CRYBG1: variants seen among roughly 807,000 people sequenced by gnomAD.
CRYBG1 encodes the protein crystallin beta-gamma domain containing 1, also known as beta/gamma crystallin domain-containing protein 1.
In CRYBG1, 139 loss-of-function variants were observed where a neutral mutation model predicts 189.2. The observed-to-expected ratio is 0.73, with a 90% confidence interval of 0.64 to 0.85. The LOEUF (loss-of-function observed/expected upper bound fraction) is 0.85. Among genes scored for constraint, CRYBG1 ranks in the 40% least tolerant of loss-of-function variants. The probability of loss-of-function intolerance (pLI) is 0.00; values close to 1 mark genes in which losing one functional copy is unlikely to be tolerated. For missense variants in CRYBG1, 2,611 were observed against 2,675.8 expected (o/e 0.98, Z 0.53); for synonymous variants, 1,023 against 1,017.1 (o/e 1.01, Z -0.11).
rs201406010 is a variant in CRYBG1 at position 106,512,903 on chromosome 6, A to G, written c.1786A>G (p.Asn596Asp). ...GAGGGGCCCGCTCCCCAACCACTTC[A>G]ACGGCCGGGCAGAGGGAGGTCGAAG... ...HKRGPLPNHF[N>D]GRAEGGRSRE... Residue 596 changes from asparagine (N) to aspartate (D), a missense_variant, in exon 3 of 22, where the codon AAC becomes GAC. Asn to Asp is a conservative substitution (Grantham distance 23). Transcript: ENST00000633556. The G allele has an allele frequency of 1.2e-6, 2 of 1,604,034 alleles. No individual in the cohort carries two copies. The highest frequency in any genetic ancestry group is 4.5e-5 in the East Asian group (2 of 44,478).
intron 1 of CRYBG1, among the ~76,000 whole-genome samples, chr6:106,423,772 C>A (rs564094991): frequency 7.7e-6 from 1 of 129,252 alleles, no homozygotes; most frequent in East Asian, 2.5e-4. Flanking sequence ...ATGGTGTGAT[C>A]ACGGCTCACT....
Position 106,429,485 on chromosome 6 carries a change from C to A in CRYBG1, c.174-22209C>A, listed in dbSNP as rs942428312. On this transcript the variant is annotated intron_variant, in intron 1 of 21. Transcript: ENST00000633556. The stretch of plus-strand genomic sequence containing the variant: ...TTAAATGCAAAAGGATGCCAAATTG[C>A]ATACAAAATACTTTAAGTCACTTAC... Among the ~76,000 whole-genome samples the A allele has an allele frequency of 3.3e-5, 5 of 152,166 alleles. No homozygotes were observed. The East Asian group carries it at 7.7e-4, about 23-fold the overall frequency.
intron 2 of CRYBG1, among the ~76,000 whole-genome samples, chr6:106,452,553 G>A (rs1415493047): frequency 6.6e-6 from 1 of 151,930 alleles, no homozygotes; most frequent in African/African-American, 2.4e-5. Flanking sequence ...GGGCTTTAAT[G>A]CAAAGGCATA....
chr6:106,536,598 C>A (rs759347337), intron 8 of CRYBG1, among the ~76,000 whole-genome samples: 98 of 152,120 alleles, frequency 6.4e-4, no homozygotes, highest in Non-Finnish European at 1.2e-3. Flanking sequence ...TCTTGTGTGA[C>A]TCAAAGGGTA....
intron 2 of CRYBG1, among the ~76,000 whole-genome samples, chr6:106,468,217 A>C (rs1328543475): frequency 2.6e-5 from 4 of 152,186 alleles, no homozygotes; most frequent in Non-Finnish European, 5.9e-5. Flanking sequence ...CAGTTTCGGG[A>C]GTCGAGGAAG....
At chr6:106,378,367 G>A (rs1327118984) in intron 1 of CRYBG1, among the ~76,000 whole-genome samples, 2 of 152,158 alleles carry the variant, frequency 1.3e-5, no homozygotes, top group East Asian at 3.9e-4. Context: ...GTGCAAAGTG[G>A]CAAGGTGGAA....
chr6:106,571,987 C>A lies in CRYBG1; in HGVS notation c.*3421C>A. The A allele has an allele frequency of 6.2e-7, 1 of 1,602,096 alleles. No homozygotes were observed. Among genetic ancestry groups the A allele is most frequent in the South Asian group, 1.1e-5 (1 of 90,628 alleles). ...AAGAACGTCAACAATCACTAAACTG[C>A]ATTTTTATTTAAACAACATTAATTA... On this transcript the variant is annotated 3_prime_UTR_variant, in exon 22 of 22. Coordinates refer to ENST00000633556, the MANE Select transcript of CRYBG1 (RefSeq NM_001371242.2).
chr6:106,560,403 A>G (rs1427627198), intron 18 of CRYBG1, among the ~76,000 whole-genome samples: 1 of 152,220 alleles, frequency 6.6e-6, no homozygotes. Flanking sequence ...CTCACTGCAG[A>G]CAAAACTTTT....
intron 13 of CRYBG1, 51 bp from the exon 14 acceptor site, chr6:106,551,800 CG>C: frequency 6.4e-7 from 1 of 1,562,016 alleles, no homozygotes; most frequent in South Asian, 1.2e-5. Flanking sequence ...AATATGTGAT[CG>C]TTTTATATGT....
intron 1 of CRYBG1, among the ~76,000 whole-genome samples, chr6:106,420,477 G>A (rs896228680): frequency 7.9e-5 from 12 of 152,202 alleles, no homozygotes; most frequent in African/African-American, 2.7e-4. Context: ...AGTAAATGAA[G>A]CCATGACACA....
intron 1 of CRYBG1, among the ~76,000 whole-genome samples, chr6:106,397,337 G>A (rs1391712115): frequency 6.6e-6 from 1 of 152,100 alleles, no homozygotes; most frequent in East Asian, 1.9e-4. Context: ...TAGTCACCAT[G>A]CTTATTATAA....
intron 15 of CRYBG1, 90 bp downstream of exon 15, chr6:106,552,306 C>T (rs761236187): frequency 5.6e-4 from 563 of 1,002,068 alleles, no homozygotes; most frequent in Non-Finnish European, 7.5e-4. Context: ...ACATTTGGGG[C>T]CGGGTGTGGT....
intron 2 of CRYBG1, among the ~76,000 whole-genome samples, chr6:106,462,108 A>T (rs1005126421): frequency 6.6e-6 from 1 of 151,966 alleles, no homozygotes; most frequent in East Asian, 1.9e-4. Flanking sequence ...GTCTATTAAG[A>T]TACTCATTTA....
intron 11 of CRYBG1, among the ~76,000 whole-genome samples, chr6:106,544,133 A>T (rs17067226): frequency 6.6e-6 from 1 of 152,248 alleles, no homozygotes; most frequent in Admixed American, 6.5e-5. Flanking sequence ...GCTATTGAAC[A>T]GTTTGATAGT....
intron 9 of CRYBG1, among the ~76,000 whole-genome samples, chr6:106,540,318 G>C (rs995553312): frequency 1.6e-4 from 25 of 152,182 alleles, no homozygotes; most frequent in African/African-American, 5.8e-4. Flanking sequence ...TTACAAACAT[G>C]TTTTTGAAGC....
intron 1 of CRYBG1, among the ~76,000 whole-genome samples, chr6:106,419,910 A>G (rs1771092719): frequency 6.6e-6 from 1 of 152,214 alleles, no homozygotes; most frequent in African/African-American, 2.4e-5. Context: ...GCCAGATGAT[A>G]TTGATTTCAA....
Position 106,512,129 on chromosome 6 carries a change from G to A in CRYBG1, c.1012G>A (p.Gly338Ser). The A allele has an allele frequency of 6.5e-7, 1 of 1,534,412 alleles. No homozygotes were observed. Among genetic ancestry groups the A allele is most frequent in the Non-Finnish European group, 8.7e-7 (1 of 1,146,016 alleles). ...PRNARSQPPK[G>S]ASDLPGEPPA... ...CAACGCCCGCAGCCAGCCCCCCAAG[G>A]GCGCGTCTGATTTGCCAGGTGAGCC... Residue 338 changes from glycine (G) to serine (S), a missense_variant, in exon 3 of 22, where the codon GGC becomes AGC. This residue lies in a region of CRYBG1 where 985 missense variants were observed against 924.4 expected (regional missense o/e 1.07). Coordinates refer to ENST00000633556, the MANE Select transcript of CRYBG1 (RefSeq NM_001371242.2).
At chr6:106,427,509 C>G (rs1771247761) in intron 1 of CRYBG1, among the ~76,000 whole-genome samples, 1 of 152,254 alleles carries the variant, frequency 6.6e-6, no homozygotes, top group Non-Finnish European at 1.5e-5. Flanking sequence ...TAGAATCTGA[C>G]CACACTTCTT....
intron 1 of CRYBG1, among the ~76,000 whole-genome samples, chr6:106,442,754 A>C (rs9386543): frequency 0.066 from 10,024 of 152,280 alleles, 456 homozygotes; most frequent in East Asian, 0.16. Context: ...GCAGAAACAA[A>C]GGGACTCATA....
Sources: gnomAD v4.1 joint callset for allele counts (sites outside exome capture counted in the v4.1 genomes callset) on GRCh38, gnomAD v4.1.1 for gene constraint, gnomAD v4.1.1 regional missense constraint, MANE v1.5 for transcripts, NCBI Gene and HGNC (gene_info 2026-07-23, HGNC 2026-07-21) for gene names.